Variants in FSHR observed in about 807,000 individuals in gnomAD.
FSHR encodes the protein follicle stimulating hormone receptor, also known as follicle-stimulating hormone receptor.
In FSHR, 46 loss-of-function variants were observed where a neutral mutation model predicts 52.1. That is an observed-to-expected ratio of 0.88 (90% CI 0.70 to 1.13). The LOEUF (loss-of-function observed/expected upper bound fraction) is 1.13. Ranked by LOEUF, FSHR falls within the 50% of genes most tolerant of loss-of-function variation. FSHR has a pLI of 0.00. For missense variants in FSHR, 964 were observed against 834.6 expected, an observed-to-expected ratio of 1.16 and a Z score of -1.91; for synonymous variants, 399 against 309.6, an observed-to-expected ratio of 1.29 and a Z score of -3.03.
At position 48,970,247 on chromosome 2, in the gene FSHR, C is replaced by T. The variant is rs562657819; in HGVS notation, c.669-1364G>A. 3.3e-5 allele frequency among the ~76,000 whole-genome samples: 5 copies of T among 152,260 alleles called. No individual in the cohort carries two copies. In the South Asian group the frequency reaches 1.0e-3, roughly 32 times the overall value. On this transcript the variant is annotated intron_variant, in intron 8 of 9. Transcript: ENST00000406846. ...AGTGAAACCCATCCCTAACTACTGC[C>T]TTATTTGTCACTTCCATTTCCCAAG...
At chr2:49,009,345 A>G (rs375173744) in intron 4 of FSHR, among the ~76,000 whole-genome samples, 11 of 151,960 alleles carry the variant, frequency 7.2e-5, no homozygotes, top group African/African-American at 9.7e-5. Context: ...GTAGATATGC[A>G]GCGTTATTTC....
At chr2:49,131,810 T>C (rs1672290006) in intron 1 of FSHR, among the ~76,000 whole-genome samples, 1 of 152,232 alleles carries the variant, frequency 6.6e-6, no homozygotes, top group Non-Finnish European at 1.5e-5. Flanking sequence ...AGAAGTTCTT[T>C]CTACCAACTA....
intron 1 of FSHR, among the ~76,000 whole-genome samples, chr2:49,111,107 G>T (rs181804296): frequency 6.6e-6 from 1 of 152,154 alleles, no homozygotes; most frequent in African/African-American, 2.4e-5. Flanking sequence ...GTCTGGATTA[G>T]TTCAGTTGTC....
chr2:49,109,384 T>G (rs1382393237), intron 1 of FSHR, among the ~76,000 whole-genome samples: 1 of 152,058 alleles, frequency 6.6e-6, no homozygotes, highest in Non-Finnish European at 1.5e-5. Context: ...ATTTAAGTGT[T>G]TTATCTGGGT....
At chr2:49,045,130 G>A (rs2104290407) in intron 2 of FSHR, among the ~76,000 whole-genome samples, 2 of 152,280 alleles carry the variant, frequency 1.3e-5, no homozygotes, top group Middle Eastern at 3.4e-3. Flanking sequence ...TAATAGCAGT[G>A]AATTATGTGT....
At chr2:49,019,961 C>T (rs1667628956) in intron 3 of FSHR, 125 bp downstream of exon 3, 1 of 874,376 alleles carries the variant, frequency 1.1e-6, no homozygotes, top group Admixed American at 1.7e-5. Context: ...CTGATTTTGA[C>T]ATCTTATAAT....
intron 2 of FSHR, among the ~76,000 whole-genome samples, chr2:49,059,999 C>CA (rs1215645405): frequency 6.6e-6 from 1 of 151,190 alleles, no homozygotes; most frequent in Non-Finnish European, 1.5e-5. Context: ...GAAACTCAAA[C>CA]AAAAAAATAC....
intron 2 of FSHR, among the ~76,000 whole-genome samples, chr2:49,039,458 A>T (rs888868791): frequency 6.6e-6 from 1 of 152,214 alleles, no homozygotes; most frequent in East Asian, 1.9e-4. Flanking sequence ...AGAGCAGTAT[A>T]CAAAGGTCAA....
At chr2:49,092,385 C>G (rs1259112012) in intron 1 of FSHR, among the ~76,000 whole-genome samples, 1 of 152,134 alleles carries the variant, frequency 6.6e-6, no homozygotes, top group Admixed American at 6.5e-5. Context: ...CCTTATTACC[C>G]TAGCAAAGGC....
At chr2:48,978,691 G>C (rs1418981910) in intron 8 of FSHR, among the ~76,000 whole-genome samples, 1 of 152,198 alleles carries the variant, frequency 6.6e-6, no homozygotes, top group Non-Finnish European at 1.5e-5. Flanking sequence ...TCAAGGTCAA[G>C]ACTCACAAGG....
chr2:49,139,342 T>C (rs1200563604), intron 1 of FSHR, among the ~76,000 whole-genome samples: 1 of 152,148 alleles, frequency 6.6e-6, no homozygotes, highest in Non-Finnish European at 1.5e-5. Context: ...AAATGAGAGT[T>C]TCCTGAAGTG....
intron 4 of FSHR, among the ~76,000 whole-genome samples, chr2:49,012,831 G>C (rs895474318): frequency 6.6e-6 from 1 of 152,112 alleles, no homozygotes; most frequent in South Asian, 2.1e-4. Flanking sequence ...GCATGAAGCT[G>C]TTAGGACTCC....
intron 4 of FSHR, 37 bp downstream of exon 4, chr2:49,017,452 A>T: frequency 6.8e-7 from 1 of 1,467,854 alleles, no homozygotes; most frequent in Non-Finnish European, 9.5e-7. Flanking sequence ...TGCACTATTT[A>T]ATCATAGTGG....
chr2:49,062,815 A>G (rs1669363257), intron 2 of FSHR, among the ~76,000 whole-genome samples: 1 of 152,138 alleles, frequency 6.6e-6, no homozygotes, highest in South Asian at 2.1e-4. Context: ...ACTGTTCAAC[A>G]TCACTAATTA....
intron 1 of FSHR, among the ~76,000 whole-genome samples, chr2:49,126,593 A>T (rs1213276337): frequency 6.6e-6 from 1 of 152,182 alleles, no homozygotes; most frequent in Non-Finnish European, 1.5e-5. Context: ...AAATGGTTGA[A>T]TGACCTCAGT....
intron 1 of FSHR, among the ~76,000 whole-genome samples, chr2:49,121,172 T>G (rs1339118305): frequency 6.6e-6 from 1 of 152,226 alleles, no homozygotes. Context: ...GCAGCTTCTA[T>G]GTGCCAGACA....
intron 8 of FSHR, among the ~76,000 whole-genome samples, chr2:48,980,915 G>C (rs1318516122): frequency 6.6e-6 from 1 of 152,032 alleles, no homozygotes; most frequent in South Asian, 2.1e-4. Context: ...ATTGTACCTG[G>C]TACAGGTCAC....
At chr2:49,011,838 A>G (rs1440890816) in intron 4 of FSHR, among the ~76,000 whole-genome samples, 1 of 152,068 alleles carries the variant, frequency 6.6e-6, no homozygotes, top group Non-Finnish European at 1.5e-5. Context: ...TGCTACCTCC[A>G]AAAGCAGTTC....
intron 2 of FSHR, among the ~76,000 whole-genome samples, chr2:49,042,267 A>G (rs904696071): frequency 6.6e-6 from 1 of 152,206 alleles, no homozygotes; most frequent in African/African-American, 2.4e-5. Flanking sequence ...GTTCTGGGAC[A>G]TTAAACCTGT....
Sources: gnomAD v4.1 joint callset for allele counts (sites outside exome capture counted in the v4.1 genomes callset) on GRCh38, gnomAD v4.1.1 for gene constraint, MANE v1.5 for transcripts, NCBI Gene and HGNC (gene_info 2026-07-23, HGNC 2026-07-21) for gene names.